INTU: variants seen among roughly 807,000 people sequenced by gnomAD.
The protein encoded by INTU is protein inturned.
Under a neutral mutation model 100.5 loss-of-function variants are expected in INTU, and 68 were observed. The ratio of observed to expected loss-of-function variants is 0.68; its 90% CI spans 0.56 to 0.83. The LOEUF (loss-of-function observed/expected upper bound fraction) is 0.83, where lower values mean the gene tolerates loss of function less well. Ranked by LOEUF, INTU falls within the 40% of genes least tolerant of loss-of-function variation. The probability of loss-of-function intolerance (pLI) is 0.00; values close to 1 mark genes in which losing one functional copy is unlikely to be tolerated. For missense variants in INTU, 1,071 were observed against 1,114.7 expected, an observed-to-expected ratio of 0.96 and a Z score of 0.56; for synonymous variants, 357 against 395.7, an observed-to-expected ratio of 0.90 and a Z score of 1.16.
chr4:127,633,151 T>G lies in INTU; in HGVS notation c.117T>G (p.Gly39=), dbSNP rs1295004671. 3.1e-6 allele frequency: 5 copies of G among 1,613,838 alleles called. No homozygotes were observed. Among genetic ancestry groups the G allele is most frequent in the Non-Finnish European group, 4.2e-6 (5 of 1,179,872 alleles). ...TTGAAGATCGGGTCAGCGACTCGGG[T>G]TCATATTCCTCAGCGAGTAGCGATT... ...YDFEDRVSDS[G]SYSSASSDYD... The change falls in exon 1 of 16, where the codon GGT becomes GGG. Residue 39 remains glycine, a synonymous_variant. Coordinates refer to ENST00000335251, the MANE Select transcript of INTU (RefSeq NM_015693.4).
intron 11 of INTU, 101 bp downstream of exon 11, chr4:127,705,913 T>A: frequency 1.3e-6 from 1 of 797,978 alleles, no homozygotes; most frequent in East Asian, 2.5e-5. Flanking sequence ...AGGTATCTAT[T>A]GACTGTCTAA....
rs542311556 is a variant in INTU at position 127,684,900 on chromosome 4, T to G, written c.1259+414T>G. On this transcript the variant is annotated intron_variant, in intron 7 of 15. Coordinates refer to ENST00000335251, the MANE Select transcript of INTU (RefSeq NM_015693.4). ...TTTGATATATTTCTGTAGGGGCAAATGTAAGAGTATTTCTTCATAACAGAT... is the reference window on the plus strand; with the variant it reads ...TTTGATATATTTCTGTAGGGGCAAAGGTAAGAGTATTTCTTCATAACAGAT... Among the ~76,000 whole-genome samples the G allele has an allele frequency of 2.7e-3, 417 of 152,126 alleles. 4 individuals carry two copies. Among genetic ancestry groups the G allele is most frequent in the African/African-American group, 9.5e-3 (394 of 41,540 alleles).
At chr4:127,678,571 A>T (rs1050107751) in intron 6 of INTU, among the ~76,000 whole-genome samples, 23 of 152,234 alleles carry the variant, frequency 1.5e-4, no homozygotes, top group Non-Finnish European at 2.9e-4. Flanking sequence ...TGTCACCACC[A>T]GGCCTGCCCT....
rs772552041 is a variant in INTU, at chr4:127,720,506, C to A, written c.*4070C>A. The A allele has an allele frequency of 6.6e-6, 1 of 152,130 alleles. No individual in the cohort carries two copies. Among genetic ancestry groups the A allele is most frequent in the Non-Finnish European group, 1.5e-5 (1 of 68,020 alleles). The allele number at this position is 152,130 out of a possible 1,614,324, so 9.4% of individuals were successfully genotyped here. On this transcript the variant is annotated 3_prime_UTR_variant, in exon 16 of 16. Transcript: ENST00000335251. ...AGATATTTATCAGGTCCCACTTGAT[C>A]CAGAGCTGAGGTCAAGTCCTGAATA...
intron 8 of INTU, among the ~76,000 whole-genome samples, chr4:127,690,777 G>A (rs2126236026): frequency 6.6e-6 from 1 of 152,114 alleles, no homozygotes; most frequent in South Asian, 2.1e-4. Context: ...TACATGCATA[G>A]CCTCTCCATT....
At chr4:127,654,150 C>A (rs906814863) in intron 2 of INTU, among the ~76,000 whole-genome samples, 42 of 151,410 alleles carry the variant, frequency 2.8e-4, no homozygotes, top group Non-Finnish European at 5.1e-4. Flanking sequence ...GAATACAGCA[C>A]ACTGATGGGT....
chr4:127,633,447 T>G (rs1287430566), intron 1 of INTU, among the ~76,000 whole-genome samples: 1 of 152,184 alleles, frequency 6.6e-6, no homozygotes, highest in Non-Finnish European at 1.5e-5. Flanking sequence ...CTCTTTTTGG[T>G]CATGGGCTCT....
intron 3 of INTU, among the ~76,000 whole-genome samples, chr4:127,660,672 A>G (rs1728436462): frequency 6.6e-6 from 1 of 152,190 alleles, no homozygotes; most frequent in African/African-American, 2.4e-5. Flanking sequence ...AAGCAACAAG[A>G]CTTTGGAAGT....
intron 9 of INTU, 148 bp from the exon 10 acceptor site, chr4:127,704,080 A>C (rs1244369179): frequency 6.7e-6 from 4 of 598,676 alleles, no homozygotes; most frequent in Non-Finnish European, 1.2e-5. Context: ...TTTCATCCTA[A>C]TATTCTGGTA....
intron 13 of INTU, 81 bp from the exon 14 acceptor site, chr4:127,710,832 C>G: frequency 1.3e-6 from 1 of 788,064 alleles, no homozygotes; most frequent in Non-Finnish European, 1.8e-6. Context: ...TATAAGAAGT[C>G]TACTAAATTC....
intron 7 of INTU, chr4:127,685,805 G>A (rs572563794): frequency 1.2e-5 from 2 of 165,060 alleles, no homozygotes; most frequent in Non-Finnish European, 2.6e-5. Flanking sequence ...GTCCATTGGA[G>A]TTGTCCTACA....
rs1728026097 is a variant in INTU at position 127,653,719 on chromosome 4, C to T, written c.683-2917C>T. On this transcript the variant is annotated intron_variant, in intron 2 of 15. Coordinates refer to ENST00000335251, the MANE Select transcript of INTU (RefSeq NM_015693.4). The stretch of plus-strand genomic sequence containing the variant: ...TTCTGTTGATTTGGGGTGGAGAGTT[C>T]TGTAGATGTCTATTAGGTCCACTTG... Among the ~76,000 whole-genome samples the T allele has an allele frequency of 3.3e-5, 5 of 150,306 alleles. No homozygotes were observed. In the South Asian group the frequency reaches 1.1e-3, roughly 32 times the overall value.
Position 127,643,470 on chromosome 4 carries a change from T to C in INTU, c.147-51T>C, listed in dbSNP as rs776966709. On this transcript the variant is annotated intron_variant, in intron 1 of 15. Transcript: ENST00000335251. ...ACCCCCATGCCAGGATGACATACCT[T>C]TCTTTTATATATTGGGCTGCTATTA... 4 of 1,465,734 alleles carry C rather than the reference T, an allele frequency of 2.7e-6. No homozygotes were observed. In the East Asian group the frequency reaches 9.2e-5, roughly 34 times the overall value. 90.8% of individuals were successfully genotyped at this position (1,465,734 alleles called of 1,614,324 possible). A position where few individuals can be genotyped will look rare whatever the true frequency, so the allele number is the denominator to read the frequency against.
intron 2 of INTU, among the ~76,000 whole-genome samples, chr4:127,653,580 T>A (rs1728014305): frequency 6.6e-6 from 1 of 152,166 alleles, no homozygotes; most frequent in Non-Finnish European, 1.5e-5. Flanking sequence ...CACTGTGGTC[T>A]GAGAGATAGT....
At chr4:127,676,638 A>G (rs192529439) in intron 6 of INTU, among the ~76,000 whole-genome samples, 1 of 151,872 alleles carries the variant, frequency 6.6e-6, no homozygotes, top group South Asian at 2.1e-4. Context: ...CCGAATAGGA[A>G]CAGGTCCAGT....
Position 127,705,655 on chromosome 4 carries a change from A to G in INTU, c.1631A>G (p.His544Arg). ...ATTGATATTGCCGTATACTGTCGCC[A>G]CTATTGCCTGCTGCCTTTAGCAGCA... ...DLIDIAVYCRHYCLLPLAAKQ... is the reference protein window; with the variant it reads ...DLIDIAVYCRRYCLLPLAAKQ... Residue 544 changes from histidine to arginine, a missense_variant, in exon 11 of 16, where the codon CAC becomes CGC. Physicochemically the swap from His to Arg is conservative, Grantham distance 29. Coordinates refer to ENST00000335251, the MANE Select transcript of INTU (RefSeq NM_015693.4). 1 of 1,614,040 alleles carries G rather than the reference A, an allele frequency of 6.2e-7. No individual in the cohort carries two copies.
chr4:127,660,349 C>A (rs1372148911), intron 3 of INTU, among the ~76,000 whole-genome samples: 1 of 152,124 alleles, frequency 6.6e-6, no homozygotes. Flanking sequence ...CAGTCAGACT[C>A]GATTCCCTCA....
intron 3 of INTU, among the ~76,000 whole-genome samples, chr4:127,660,206 G>T (rs927495338): frequency 6.6e-6 from 1 of 152,152 alleles, no homozygotes. Context: ...ATTTAAGATA[G>T]AGAGGAAGGA....
intron 1 of INTU, 96 bp from the exon 2 acceptor site, chr4:127,643,425 G>A (rs1271996321): frequency 8.1e-6 from 7 of 864,768 alleles, no homozygotes; most frequent in Non-Finnish European, 1.2e-5. Flanking sequence ...CCATCTTCCT[G>A]CTCCCCAGCC....
Sources: allele counts gnomAD v4.1 joint callset (sites outside exome capture counted in the v4.1 genomes callset), GRCh38; gene constraint gnomAD v4.1.1; transcripts MANE v1.5; gene names NCBI Gene and HGNC (gene_info 2026-07-23, HGNC 2026-07-21).